Variants in SPATA17 observed in about 807,000 individuals in gnomAD.
SPATA17 encodes the protein spermatogenesis associated 17, also known as spermatogenesis-associated protein 17.
SPATA17 carries 53 observed loss-of-function variants against 62.2 expected under a neutral mutation model. The ratio of observed to expected loss-of-function variants is 0.85; its 90% CI spans 0.68 to 1.07. SPATA17 has a LOEUF of 1.07. Among genes scored for constraint, SPATA17 ranks in the 50% least tolerant of loss-of-function variants. The pLI is 0.00. For synonymous variants in SPATA17, 146 were observed against 146.8 expected (o/e 0.99, Z 0.04); for missense variants, 466 against 425.5 (o/e 1.10, Z -0.84).
At chr1:217,796,149 T>A (rs1019907679) in intron 8 of SPATA17, among the ~76,000 whole-genome samples, 5 of 152,194 alleles carry the variant, frequency 3.3e-5, no homozygotes, top group African/African-American at 1.2e-4. Context: ...TTTTAGCCAT[T>A]TTTGAAACTT....
chr1:217,773,785 C>T (rs564138189), intron 6 of SPATA17, among the ~76,000 whole-genome samples: 1 of 151,904 alleles, frequency 6.6e-6, no homozygotes, highest in South Asian at 2.1e-4. Flanking sequence ...TAGGTGATAC[C>T]TGTAGCATTA....
chr1:217,726,907 G>T (rs1481595310), intron 5 of SPATA17, among the ~76,000 whole-genome samples: 2 of 151,904 alleles, frequency 1.3e-5, no homozygotes, highest in Admixed American at 6.6e-5. Flanking sequence ...TCTTCAAGTT[G>T]TGAAACTTAA....
At chr1:217,866,070 A>T (rs1676005086) in intron 10 of SPATA17, among the ~76,000 whole-genome samples, 3 of 152,198 alleles carry the variant, frequency 2.0e-5, no homozygotes, top group South Asian at 2.1e-4. Flanking sequence ...AGAGGGAATA[A>T]GATCTTAGCA....
At chr1:217,724,327 T>C (rs1481697095) in intron 5 of SPATA17, among the ~76,000 whole-genome samples, 1 of 151,906 alleles carries the variant, frequency 6.6e-6, no homozygotes, top group Non-Finnish European at 1.5e-5. Context: ...GTCAGCCGGG[T>C]GTGGTGGCTC....
At chr1:217,659,133 TTAAA>T (rs1309897076) in intron 3 of SPATA17, among the ~76,000 whole-genome samples, 2 of 151,678 alleles carry the variant, frequency 1.3e-5, no homozygotes, top group African/African-American at 2.4e-5. Context: ...GTATTATCTA[TTAAA>T]TAAATTAATT....
At chr1:217,767,108 C>T (rs1673319226) in intron 6 of SPATA17, among the ~76,000 whole-genome samples, 1 of 151,898 alleles carries the variant, frequency 6.6e-6, no homozygotes, top group African/African-American at 2.4e-5. Context: ...TTTATTTCTC[C>T]TTTATATTAG....
intron 9 of SPATA17, among the ~76,000 whole-genome samples, chr1:217,810,794 A>G (rs1247390680): frequency 2.6e-5 from 4 of 152,068 alleles, no homozygotes; most frequent in Non-Finnish European, 2.9e-5. Flanking sequence ...AGCAGGTGAG[A>G]GAGAAGAGTG....
At chr1:217,778,504 G>T (rs759049824) in intron 7 of SPATA17, among the ~76,000 whole-genome samples, 1 of 152,132 alleles carries the variant, frequency 6.6e-6, no homozygotes, top group Non-Finnish European at 1.5e-5. Context: ...CTGGGTGAGA[G>T]AGCAAGACTC....
chr1:217,842,240 G>T (rs1015044928), intron 9 of SPATA17, among the ~76,000 whole-genome samples: 3 of 151,738 alleles, frequency 2.0e-5, no homozygotes, highest in Non-Finnish European at 4.4e-5. Context: ...TTATATCTAT[G>T]TTTGTAAGAT....
At position 217,753,473 on chromosome 1, in the gene SPATA17, A is replaced by T. The variant is rs77265386; in HGVS notation, c.519+11375A>T. ...TCTTTAGTTCTTTCTCTTTTTTTAA[A>T]TTGAAAACAAAATTTGGACATCAAA... is the stretch of plus-strand genomic sequence containing the variant. On this transcript the variant is annotated intron_variant, in intron 6 of 10. Transcript: ENST00000366933. 1.1e-3 allele frequency among the ~76,000 whole-genome samples: 171 copies of T among 152,148 alleles called. 3 individuals carry two copies. The East Asian group carries it at 0.028, about 25-fold the overall frequency.
At chr1:217,636,147 A>AAG (rs956113148) in intron 1 of SPATA17, among the ~76,000 whole-genome samples, 2 of 151,486 alleles carry the variant, frequency 1.3e-5, no homozygotes, top group Non-Finnish European at 2.9e-5. Flanking sequence ...AAAAAAAAAA[A>AAG]AAAGGGTGTT....
At chr1:217,807,826 G>T (rs1674475206) in intron 9 of SPATA17, among the ~76,000 whole-genome samples, 1 of 152,158 alleles carries the variant, frequency 6.6e-6, no homozygotes, top group Admixed American at 6.5e-5. Flanking sequence ...AAAAGGGAAG[G>T]TTCTTACTAT....
At chr1:217,706,591 C>T (rs187380326) in intron 5 of SPATA17, among the ~76,000 whole-genome samples, 31 of 152,292 alleles carry the variant, frequency 2.0e-4, no homozygotes, top group African/African-American at 7.2e-4. Context: ...TTCTCTTTTG[C>T]CATGATTGTA....
chr1:217,700,435 T>TG (rs1671567734), intron 5 of SPATA17, among the ~76,000 whole-genome samples: 1 of 152,212 alleles, frequency 6.6e-6, no homozygotes, highest in African/African-American at 2.4e-5. Flanking sequence ...TTTTTAGTTC[T>TG]GATAGATATC....
At chr1:217,706,495 A>G (rs546681261) in intron 5 of SPATA17, among the ~76,000 whole-genome samples, 7 of 152,306 alleles carry the variant, frequency 4.6e-5, no homozygotes, top group African/African-American at 1.7e-4. Context: ...AATTCTCACA[A>G]GACCTGATGG....
intron 6 of SPATA17, among the ~76,000 whole-genome samples, chr1:217,770,814 C>T (rs974223879): frequency 2.6e-5 from 4 of 151,768 alleles, no homozygotes; most frequent in Non-Finnish European, 5.9e-5. Context: ...CGGAATGGTT[C>T]AAAGTATTAA....
rs915791828 is a variant in SPATA17, at chr1:217,869,561, T to A, written c.*2542T>A. On this transcript the variant is annotated 3_prime_UTR_variant, in exon 11 of 11. Transcript: ENST00000366933. ...GCAAAATATGTCAAAAATATATATT[T>A]TAGGGTAAAATGCCTCAATTTATTT... 1 of 152,120 alleles carries A rather than the reference T, an allele frequency of 6.6e-6. No homozygotes were observed. The highest frequency in any genetic ancestry group is 6.6e-5 in the Admixed American group (1 of 15,258). The allele number at this position is 152,120 out of a possible 1,614,324, so 9.4% of individuals were successfully genotyped here.
At chr1:217,674,243 C>T (rs998111526) in intron 4 of SPATA17, among the ~76,000 whole-genome samples, 1 of 152,208 alleles carries the variant, frequency 6.6e-6, no homozygotes, top group African/African-American at 2.4e-5. Flanking sequence ...AGATTCTGAA[C>T]TTCAGTTAGA....
At chr1:217,800,866 T>C (rs532674350) in intron 8 of SPATA17, among the ~76,000 whole-genome samples, 1 of 152,222 alleles carries the variant, frequency 6.6e-6, no homozygotes, top group African/African-American at 2.4e-5. Context: ...TTATTTACTC[T>C]TATTTCAGTG....
Sources: allele counts gnomAD v4.1 joint callset (sites outside exome capture counted in the v4.1 genomes callset), GRCh38; gene constraint gnomAD v4.1.1; transcripts MANE v1.5; gene names NCBI Gene and HGNC (gene_info 2026-07-23, HGNC 2026-07-21).